The following RAP1GAP2 variants were observed in gnomAD, a reference collection of about 807,000 sequenced individuals.
RAP1GAP2 encodes rap1 GTPase-activating protein 2.
A neutral mutation model predicts 95.0 loss-of-function variants in RAP1GAP2; 27 were observed. The observed-to-expected ratio is 0.28, with a 90% confidence interval of 0.21 to 0.39. RAP1GAP2 has a LOEUF of 0.39. Among genes scored for constraint, RAP1GAP2 ranks in the 10% least tolerant of loss-of-function variants. RAP1GAP2 has a pLI of 1.00. For synonymous variants in RAP1GAP2, 373 were observed against 380.9 expected, an observed-to-expected ratio of 0.98 and a Z score of 0.24; for missense variants, 771 against 970.0, an observed-to-expected ratio of 0.79 and a Z score of 2.72.
intron 2 of RAP1GAP2, among the ~76,000 whole-genome samples, chr17:2,895,852 A>G (rs2041804522): frequency 6.6e-6 from 1 of 151,996 alleles, no homozygotes; most frequent in South Asian, 2.1e-4. Flanking sequence ...TGCTGGGATT[A>G]CATCTGTGAG....
intron 2 of RAP1GAP2, among the ~76,000 whole-genome samples, chr17:2,845,616 A>C (rs1422101370): frequency 3.3e-5 from 5 of 151,926 alleles, no homozygotes; most frequent in Non-Finnish European, 7.4e-5. Context: ...TAATCCCAGC[A>C]CTTTGAGAGG....
Position 2,817,827 on chromosome 17 carries a change from T to G in RAP1GAP2, c.80+17277T>G, listed in dbSNP as rs1422989474. Among the ~76,000 whole-genome samples, 11 of 119,010 alleles carry G rather than the reference T, an allele frequency of 9.2e-5. 4 individuals are homozygous for G. The highest frequency in any genetic ancestry group is 7.0e-4 in the East Asian group (3 of 4,304). 78.1% of individuals were successfully genotyped at this position (119,010 alleles called of 152,430 possible). On this transcript the variant is annotated intron_variant, in intron 2 of 24. Coordinates refer to ENST00000254695, the MANE Select transcript of RAP1GAP2 (RefSeq NM_015085.5). ...TGAGCCACTGCGTCTGGCCTCTATG[T>G]TTAATTGTTTTTGTTTTGTTTTGTT...
upstream of RAP1GAP2, among the ~76,000 whole-genome samples, chr17:2,775,753 A>C (rs977186964): frequency 2.6e-4 from 39 of 152,306 alleles, no homozygotes; most frequent in Non-Finnish European, 5.1e-4. Context: ...GCCGCTGTCC[A>C]CGGAGGTTAC....
chr17:2,862,134 G>A (rs1176476184), intron 2 of RAP1GAP2, among the ~76,000 whole-genome samples: 1 of 152,148 alleles, frequency 6.6e-6, no homozygotes, highest in Non-Finnish European at 1.5e-5. Flanking sequence ...ACCCGTAGAC[G>A]TGAGAGGGAC....
At chr17:2,967,910 G>A (rs2044687813) in intron 8 of RAP1GAP2, among the ~76,000 whole-genome samples, 1 of 152,142 alleles carries the variant, frequency 6.6e-6, no homozygotes, top group Non-Finnish European at 1.5e-5. Flanking sequence ...GCCTGTGTGT[G>A]CCATGAGAGT....
intron 11 of RAP1GAP2, among the ~76,000 whole-genome samples, chr17:2,990,760 A>G (rs181608329): frequency 1.4e-3 from 209 of 148,986 alleles, no homozygotes; most frequent in African/African-American, 5.1e-3. Context: ...TATTGCCTTT[A>G]TTTTTCATTG....
Position 3,020,510 on chromosome 17 carries a change from T to C in RAP1GAP2, c.1666T>C (p.Ser556Pro). Residue 556 changes from serine (S) to proline (P), a missense_variant, in exon 19 of 25, where the codon TCA becomes CCA. Coordinates refer to ENST00000254695, the MANE Select transcript of RAP1GAP2 (RefSeq NM_015085.5). ...GGTGGCGGCAACGGTGAAGAACCAGTCACGGAGTCCCATCAAGCGACGCTC... is the reference window on the plus strand; with the variant it reads ...GGTGGCGGCAACGGTGAAGAACCAGCCACGGAGTCCCATCAAGCGACGCTC... ...PVVAATVKNQSRSPIKRRSGL... is the reference protein window; with the variant it reads ...PVVAATVKNQPRSPIKRRSGL... 6.2e-7 allele frequency: 1 copy of C among 1,613,902 alleles called. No individual in the cohort carries two copies. The highest frequency in any genetic ancestry group is 8.5e-7 in the Non-Finnish European group (1 of 1,179,870).
In RAP1GAP2 at chr17:2,965,890, C is replaced by T; in HGVS notation, c.596+247C>T. ...AGGTCTCAAGGTCACCCAGACTGTA[C>T]CCCTTCCTGCCCCTCTTTCTTACAA... On this transcript the variant is annotated intron_variant, in intron 8 of 24. Transcript: ENST00000254695. This position sits in a 1 kb window ranked among gnomAD's most constrained non-coding sequence, Gnocchi z 4.7. 5.9e-6 allele frequency: 3 copies of T among 510,618 alleles called. No homozygotes were observed. The highest frequency in any genetic ancestry group is 1.1e-5 in the Non-Finnish European group (3 of 285,056). The allele number at this position is 510,618 out of a possible 1,614,324, so 31.6% of individuals were successfully genotyped here. A position where few individuals can be genotyped will look rare whatever the true frequency, so the allele number is the denominator to read the frequency against.
chr17:3,005,808 G>C lies in RAP1GAP2; in HGVS notation c.1273-147G>C. 1 of 766,008 alleles carries C rather than the reference G, an allele frequency of 1.3e-6. No homozygotes were observed. The highest frequency in any genetic ancestry group is 2.6e-5 in the East Asian group (1 of 37,920). 47.5% of individuals were successfully genotyped at this position (766,008 alleles called of 1,614,324 possible). A position where few individuals can be genotyped will look rare whatever the true frequency, so the allele number is the denominator to read the frequency against. On this transcript the variant is annotated intron_variant, in intron 15 of 24. Coordinates refer to ENST00000254695, the MANE Select transcript of RAP1GAP2 (RefSeq NM_015085.5). The surrounding 1 kb of genome is among the most constrained non-coding windows in gnomAD (Gnocchi z 5.2). ...TGTTGGGATATTTGCAAGTGGGCTT[G>C]GCCTGGGCTAGAAATGATCCGCTGT...
intron 19 of RAP1GAP2, 43 bp from the exon 20 acceptor site, chr17:3,025,965 A>T: frequency 6.9e-7 from 1 of 1,442,406 alleles, no homozygotes; most frequent in Non-Finnish European, 9.7e-7. Flanking sequence ...GTGGGGGTTG[A>T]GGGCTGTCTC....
chr17:2,870,743 A>G lies in RAP1GAP2; in HGVS notation c.81-34541A>G, dbSNP rs1324573955. 1.3e-5 allele frequency among the ~76,000 whole-genome samples: 2 copies of G among 152,192 alleles called. No homozygotes were observed. The highest frequency in any genetic ancestry group is 2.9e-5 in the Non-Finnish European group (2 of 68,022). On this transcript the variant is annotated intron_variant, in intron 2 of 24. Coordinates refer to ENST00000254695, the MANE Select transcript of RAP1GAP2 (RefSeq NM_015085.5). The surrounding 1 kb of genome is among the most constrained non-coding windows in gnomAD (Gnocchi z 4.4). The stretch of plus-strand genomic sequence containing the variant: ...ACAGAGGCCCATCTTGAATTAGCCA[A>G]ACAAAATAAGGGGGTTTATTGGCTG...
rs2042144037 is a variant in RAP1GAP2 at position 2,904,760 on chromosome 17, T to C, written c.81-524T>C. On this transcript the variant is annotated intron_variant, in intron 2 of 24. Transcript: ENST00000254695. This position sits in a 1 kb window ranked among gnomAD's most constrained non-coding sequence, Gnocchi z 4.7. ...AGAGCCTGGTGTGCACCTGCAAATG[T>C]GCATGTCTTTCGAGTTCCCAGGTGC... Among the ~76,000 whole-genome samples, 1 of 152,134 alleles carries C rather than the reference T, an allele frequency of 6.6e-6. No individual in the cohort carries two copies. The highest frequency in any genetic ancestry group is 2.4e-5 in the African/African-American group (1 of 41,436).
chr17:2,863,518 C>T (rs754242122), intron 2 of RAP1GAP2, among the ~76,000 whole-genome samples: 9 of 152,112 alleles, frequency 5.9e-5, no homozygotes, highest in Non-Finnish European at 8.8e-5. Flanking sequence ...GCAGGAGTTG[C>T]GGGGGGCCTG....
chr17:2,932,974 G>C (rs926749311), intron 3 of RAP1GAP2, among the ~76,000 whole-genome samples: 3 of 152,184 alleles, frequency 2.0e-5, no homozygotes, highest in African/African-American at 7.2e-5. Context: ...GATTGCGGGA[G>C]GAGGGGAATG....
At chr17:2,808,239 G>A (rs2069605256) in intron 2 of RAP1GAP2, among the ~76,000 whole-genome samples, 1 of 152,148 alleles carries the variant, frequency 6.6e-6, no homozygotes, top group Non-Finnish European at 1.5e-5. Flanking sequence ...GGAGGGAGTG[G>A]CCTTCCCTGC....
intron 17 of RAP1GAP2, among the ~76,000 whole-genome samples, chr17:3,011,362 C>T (rs1410698065): frequency 1.3e-5 from 2 of 152,218 alleles, no homozygotes; most frequent in Admixed American, 6.5e-5. Context: ...GAATGGAGCC[C>T]TGGGGCCTGG....
At chr17:2,805,401 G>A (rs2069471372) in intron 2 of RAP1GAP2, among the ~76,000 whole-genome samples, 1 of 152,024 alleles carries the variant, frequency 6.6e-6, no homozygotes, top group South Asian at 2.1e-4. Flanking sequence ...TGTTGCCCAG[G>A]CTGCAGTGCA....
chr17:2,936,660 T>C, intron 3 of RAP1GAP2, among the ~76,000 whole-genome samples: 1 of 152,124 alleles, frequency 6.6e-6, no homozygotes, highest in Non-Finnish European at 1.5e-5. Flanking sequence ...GAATGGGTCC[T>C]GGGCTCTGAT....
intron 2 of RAP1GAP2, among the ~76,000 whole-genome samples, chr17:2,884,436 A>G (rs1206729416): frequency 2.1e-5 from 3 of 143,850 alleles, no homozygotes; most frequent in Middle Eastern, 7.3e-3. Context: ...GCAGTGGTGC[A>G]GTCTCGGCTC....
Sources: gnomAD v4.1 joint callset for allele counts (sites outside exome capture counted in the v4.1 genomes callset) on GRCh38, gnomAD v4.1.1 for gene constraint, Gnocchi (gnomAD v3.1) non-coding constraint, MANE v1.5 for transcripts, NCBI Gene and HGNC (gene_info 2026-07-23, HGNC 2026-07-21) for gene names.